The following TEAD2 variants were observed in gnomAD, a reference collection of about 807,000 sequenced individuals.
The protein encoded by TEAD2 is transcriptional enhancer factor TEF-4.
A neutral mutation model predicts 61.4 loss-of-function variants in TEAD2; 51 were observed. That is an observed-to-expected ratio of 0.83 (90% CI 0.66 to 1.05). TEAD2 has a LOEUF of 1.05. Ranked by LOEUF, TEAD2 falls within the 50% of genes least tolerant of loss-of-function variation. The pLI, the probability that TEAD2 is intolerant of heterozygous loss-of-function variation, is 0.00. For synonymous variants in TEAD2, 244 were observed against 243.2 expected (o/e 1.00, Z -0.03); for missense variants, 509 against 600.0 (o/e 0.85, Z 1.58).
chr19:49,351,726 C>G (rs953287887), intron 7 of TEAD2, among the ~76,000 whole-genome samples: 3 of 152,096 alleles, frequency 2.0e-5, no homozygotes, highest in African/African-American at 7.2e-5. Flanking sequence ...TGGCTCACAC[C>G]TGTAATCCCA....
chr19:49,353,817 A>G lies in TEAD2; in HGVS notation c.539+1331T>C, dbSNP rs140067823. Among the ~76,000 whole-genome samples, 955 of 145,362 alleles carry G rather than the reference A, an allele frequency of 6.6e-3. 8 individuals carry two copies. The highest frequency in any genetic ancestry group is 0.023 in the African/African-American group (918 of 39,094). Reference sequence around the variant, plus strand: ...TTTTTTTGAGCTGGAGTCTCGCTCTATTGCCCAGGCTGGAGTACAGTGGCA... The same window carrying G: ...TTTTTTTGAGCTGGAGTCTCGCTCTGTTGCCCAGGCTGGAGTACAGTGGCA... On this transcript the variant is annotated intron_variant, in intron 7 of 12. Coordinates refer to ENST00000593945, the MANE Select transcript of TEAD2 (RefSeq NM_001256660.2).
chr19:49,354,034 G>A (rs1972207937), intron 7 of TEAD2, among the ~76,000 whole-genome samples: 1 of 148,900 alleles, frequency 6.7e-6, no homozygotes, highest in African/African-American at 2.5e-5. Flanking sequence ...TCCTGACCTC[G>A]TGATCCACCC....
intron 9 of TEAD2, among the ~76,000 whole-genome samples, chr19:49,347,875 T>C (rs1332764929): frequency 6.6e-6 from 1 of 152,222 alleles, no homozygotes; most frequent in Admixed American, 6.5e-5. Context: ...GATGTTTATA[T>C]GGTGTGGCAG....
chr19:49,356,128 G>A, intron 4 of TEAD2, 158 bp from the exon 5 acceptor site: 4 of 498,570 alleles, frequency 8.0e-6, no homozygotes, highest in Non-Finnish European at 1.3e-5. Flanking sequence ...AGGAAGTGGA[G>A]GTGGCCAGCC....
At chr19:49,361,204 G>GAAGACA in intron 1 of TEAD2, among the ~76,000 whole-genome samples, 1 of 121,158 alleles carries the variant, frequency 8.3e-6, no homozygotes, top group Non-Finnish European at 1.7e-5. Flanking sequence ...GCCCAGAGAG[G>GAAGACA]GAGACAGAGA....
rs767550794 is a variant in TEAD2, at chr19:49,347,406, G to A, written c.748-43C>T. 3.8e-6 allele frequency: 6 copies of A among 1,590,684 alleles called. No homozygotes were observed. In the South Asian group the frequency reaches 5.5e-5, roughly 15 times the overall value. ...TGGGTGAGAAGTCGGAGGTGAGCTG[G>A]ATCTCCAGCCTGTGCTGCCTGAGCC... is the stretch of plus-strand genomic sequence containing the variant. On this transcript the variant is annotated intron_variant, in intron 9 of 12. Transcript: ENST00000593945.
rs768888779 is a variant in TEAD2, at chr19:49,341,298, G to A, written c.*26C>T. ...CTCCCTGGGAGGAGGGTGTTCTGGG[G>A]GGTGAGCCAGTTTTGGGGTCCCCCT... On this transcript the variant is annotated 3_prime_UTR_variant, in exon 13 of 13. Coordinates refer to ENST00000593945, the MANE Select transcript of TEAD2 (RefSeq NM_001256660.2). The surrounding 1 kb of genome is among the most constrained non-coding windows in gnomAD (Gnocchi z 4.2). 7 of 1,594,914 alleles carry A rather than the reference G, an allele frequency of 4.4e-6. No individual in the cohort carries two copies. Among genetic ancestry groups the A allele is most frequent in the African/African-American group, 2.7e-5 (2 of 74,608 alleles).
At chr19:49,352,250 C>T (rs1600743595) in intron 7 of TEAD2, among the ~76,000 whole-genome samples, 2 of 152,314 alleles carry the variant, frequency 1.3e-5, no homozygotes, top group Admixed American at 1.3e-4. Context: ...CATGTGGCTA[C>T]TGACCACAGA....
At chr19:49,347,116 C>A (rs979601103) in intron 10 of TEAD2, 74 bp downstream of exon 10, 2 of 1,568,500 alleles carry the variant, frequency 1.3e-6, no homozygotes, top group East Asian at 2.3e-5. Context: ...GCGACAGATT[C>A]TCTCAGGGCC....
Position 49,342,564 on chromosome 19 carries a change from G to A in TEAD2, c.1116C>T (p.Gly372=). The A allele has an allele frequency of 1.2e-6, 2 of 1,613,722 alleles. No individual in the cohort carries two copies. Among genetic ancestry groups the A allele is most frequent in the South Asian group, 1.1e-5 (1 of 91,064 alleles). The change falls in exon 12 of 13, where the codon GGC becomes GGT. Residue 372 remains glycine, a synonymous_variant. Coordinates refer to ENST00000593945, the MANE Select transcript of TEAD2 (RefSeq NM_001256660.2). ...AGCGCAGCAGGCGGTACACAAATCT[G>A]CCGTCCTCCAGCTGGGCCCGTTCCG... is the stretch of plus-strand genomic sequence containing the variant. ...VETERAQLED[G]RFVYRLLRSP...
chr19:49,344,388 C>T (rs1971500884), intron 10 of TEAD2, among the ~76,000 whole-genome samples: 1 of 152,050 alleles, frequency 6.6e-6, no homozygotes, highest in Admixed American at 6.6e-5. Context: ...TCAAGCGATT[C>T]TCCTGCCTCA....
chr19:49,349,389 G>A (rs1029877998), intron 8 of TEAD2, among the ~76,000 whole-genome samples: 2 of 151,998 alleles, frequency 1.3e-5, no homozygotes, highest in African/African-American at 4.8e-5. Context: ...CTTGAACCCA[G>A]GAGGCGGGGG....
At chr19:49,357,449 T>C (rs2146589706) in intron 3 of TEAD2, 135 bp from the exon 4 acceptor site, 3 of 917,158 alleles carry the variant, frequency 3.3e-6, no homozygotes, top group Admixed American at 2.0e-5. Context: ...ATGAGAGCCA[T>C]CTCGGGAGCA....
intron 3 of TEAD2, among the ~76,000 whole-genome samples, chr19:49,357,934 C>T (rs1006399137): frequency 6.6e-6 from 1 of 152,114 alleles, no homozygotes; most frequent in African/African-American, 2.4e-5. Context: ...CCTGTCTCTA[C>T]TAAAAACACA....
At chr19:49,357,379 C>A in intron 3 of TEAD2, 65 bp from the exon 4 acceptor site, 3 of 1,532,102 alleles carry the variant, frequency 2.0e-6, no homozygotes, top group Non-Finnish European at 2.7e-6. Context: ...ACTACCCCTT[C>A]TCTCCCTCCA....
chr19:49,351,322 G>T lies in TEAD2; in HGVS notation c.583C>A (p.Pro195Thr). 1 of 1,612,638 alleles carries T rather than the reference G, an allele frequency of 6.2e-7. No individual in the cohort carries two copies. Among genetic ancestry groups the T allele is most frequent in the Non-Finnish European group, 8.5e-7 (1 of 1,179,552 alleles). ...TTACCTGGGAGGTCAGTAGATGGGG[G>T]AGTCAGTGACAAGGTGAACGGTGTC... is the stretch of plus-strand genomic sequence containing the variant. ...SQTPFTLSLT[P>T]PSTDLPGYEP... The change falls in exon 8 of 13, where the codon CCC becomes ACC. Residue 195 changes from proline to threonine, a missense_variant. Pro to Thr is a conservative substitution (Grantham distance 38). Transcript: ENST00000593945.
chr19:49,356,561 T>C (rs1972414006), intron 4 of TEAD2, among the ~76,000 whole-genome samples: 1 of 151,902 alleles, frequency 6.6e-6, no homozygotes, highest in African/African-American at 2.4e-5. Context: ...TGAAGATTTC[T>C]GGGCACAAAG....
At chr19:49,343,182 A>C (rs894949809) in intron 11 of TEAD2, 49 bp downstream of exon 11, 2 of 1,563,682 alleles carry the variant, frequency 1.3e-6, no homozygotes, top group East Asian at 2.3e-5. Flanking sequence ...CTTCTGGTCC[A>C]TTCTGCACCC....
Position 49,343,143 on chromosome 19 carries a change from CATACTCCCAAATGCCTGAGTCATGA to C in TEAD2, c.1089+63_1089+87del, listed in dbSNP as rs547012499. The C allele has an allele frequency of 5.3e-3, 7,746 of 1,464,008 alleles. 167 individuals carry two copies. In the African/African-American group the frequency reaches 0.06, roughly 11 times the overall value. 90.7% of individuals were successfully genotyped at this position (1,464,008 alleles called of 1,614,324 possible). ...GAGGCTGGGACCCACTCCCTCCATG[CATACTCCCAAATGCCTGAGTCATGA>C]TGGCTTCTGGTCCATTCTGCACCCC... On this transcript the variant is annotated intron_variant, in intron 11 of 12. Transcript: ENST00000593945.
Sources: gnomAD v4.1 joint callset for allele counts (sites outside exome capture counted in the v4.1 genomes callset) on GRCh38, gnomAD v4.1.1 for gene constraint, Gnocchi (gnomAD v3.1) non-coding constraint, MANE v1.5 for transcripts, NCBI Gene and HGNC (gene_info 2026-07-23, HGNC 2026-07-21) for gene names.